MYB: variants seen among roughly 807,000 people sequenced by gnomAD.
The protein encoded by MYB is transcriptional activator Myb.
A neutral mutation model predicts 92.9 loss-of-function variants in MYB; 28 were observed. That is an observed-to-expected ratio of 0.30 (90% CI 0.22 to 0.41). The LOEUF is 0.41. MYB is among the 10% of genes least tolerant of loss of function. The pLI, the probability that MYB is intolerant of heterozygous loss-of-function variation, is 1.00. For missense variants in MYB, 679 were observed against 929.3 expected (o/e 0.73, Z 3.50); for synonymous variants, 295 against 329.1 (o/e 0.90, Z 1.12).
intron 15 of MYB, among the ~76,000 whole-genome samples, chr6:135,217,092 C>G (rs1176488184): frequency 6.6e-6 from 1 of 152,174 alleles, no homozygotes; most frequent in East Asian, 1.9e-4. Context: ...AAAAATTAAA[C>G]TATACTGGCT....
chr6:135,195,115 TAAA>T, intron 8 of MYB: 4 of 1,248,074 alleles, frequency 3.2e-6, no homozygotes, highest in Non-Finnish European at 4.1e-6. Flanking sequence ...TATTTTTTGT[TAAA>T]TAATAAGATG....
rs781340500 is a variant in MYB, at chr6:135,193,880, A to G, written c.805A>G (p.Ile269Val). Residue 269 changes from isoleucine to valine, a missense_variant, in exon 7 of 16, where the codon ATA (isoleucine) becomes GTA (valine). Around this residue, in one of 8 missense-constraint regions of MYB, gnomAD observed 43 missense variants for 87.9 expected, o/e 0.49. Coordinates refer to ENST00000341911, the MANE Select transcript of MYB (RefSeq NM_001130173.2). ...VPYPVALHVN[I>V]VNVPQPAAAA... is the part of the protein sequence containing the mutation. ...ATACCCTGTAGCGTTACATGTAAAT[A>G]TAGTCAATGTCCCTCAGCCAGCTGC... 11 of 1,613,346 alleles carry G rather than the reference A, an allele frequency of 6.8e-6. No homozygotes were observed. Among genetic ancestry groups the G allele is most frequent in the Non-Finnish European group, 9.3e-6 (11 of 1,179,366 alleles).
intron 10 of MYB, among the ~76,000 whole-genome samples, chr6:135,198,344 A>G (rs548524020): frequency 2.0e-5 from 3 of 152,292 alleles, no homozygotes; most frequent in East Asian, 3.9e-4. Context: ...TGCCTTGTGA[A>G]TTTCCAGGAG....
At chr6:135,198,362 T>C (rs6920829) in intron 10 of MYB, among the ~76,000 whole-genome samples, 21,593 of 152,246 alleles carry the variant, frequency 0.14, 1,700 homozygotes, top group African/African-American at 0.2. Context: ...GAGGAGATTA[T>C]GATATGTTGT....
chr6:135,192,045 G>A (rs543748304), intron 5 of MYB, among the ~76,000 whole-genome samples: 7 of 152,214 alleles, frequency 4.6e-5, no homozygotes, highest in South Asian at 2.1e-4. Context: ...AAGCGTTATC[G>A]TATTGAAAAT....
In MYB at chr6:135,181,581, G is replaced by A. The variant is rs1055382885; in HGVS notation, c.23+45G>A. On this transcript the variant is annotated intron_variant, in intron 1 of 15. Transcript: ENST00000341911. This position sits in a 1 kb window ranked among gnomAD's most constrained non-coding sequence, Gnocchi z 5.3. ...GCGGCCGAGGGCGGGGGCGCGCGGGGGCGCGCGGGGCGCCAGGCTCCCGGG... is the reference window on the plus strand; with the variant it reads ...GCGGCCGAGGGCGGGGGCGCGCGGGAGCGCGCGGGGCGCCAGGCTCCCGGG... 66 of 1,121,480 alleles carry A rather than the reference G, an allele frequency of 5.9e-5. No homozygotes were observed. Among genetic ancestry groups the A allele is most frequent in the Middle Eastern group, 2.9e-4 (1 of 3,416 alleles). The allele number at this position is 1,121,480 out of a possible 1,614,324, so 69.5% of individuals were successfully genotyped here.
At chr6:135,200,525 G>A (rs779757157) in intron 13 of MYB, 110 bp downstream of exon 13, 37 of 1,502,796 alleles carry the variant, frequency 2.5e-5, no homozygotes, top group East Asian at 6.8e-5. Flanking sequence ...ACGACTTTTC[G>A]TGCAAGATTT....
Position 135,197,060 on chromosome 6 carries a change from C to A in MYB, c.1303C>A (p.Gln435Lys), listed in dbSNP as rs1284308056. 2.5e-6 allele frequency: 4 copies of A among 1,613,922 alleles called. No homozygotes were observed. In the Admixed American group the frequency reaches 5.0e-5, roughly 20 times the overall value. ...CACAGGCAAAGCCCTACAGCTTCAG[C>A]AAAGAGAGGGCAATGGGACTAAACC... Reference protein sequence around the residue: ...HHTGKALQLQQREGNGTKPAG... With the variant: ...HHTGKALQLQKREGNGTKPAG... Residue 435 changes from glutamine (Q) to lysine (K), a missense_variant, in exon 10 of 16, where the codon CAA (glutamine) becomes AAA (lysine). Gln to Lys is a moderately conservative substitution (Grantham distance 53). Around this residue, in one of 8 missense-constraint regions of MYB, gnomAD observed 402 missense variants for 434.2 expected, o/e 0.93. Transcript: ENST00000341911.
In MYB at chr6:135,190,293, C is replaced by A. The variant is rs1316378738; in HGVS notation, c.473C>A (p.Ala158Glu). Reference protein sequence around the residue: ...TEEEDRIIYQAHKRLGNRWAE... With the variant: ...TEEEDRIIYQEHKRLGNRWAE... ...GAGGAAGACAGAATTATTTACCAGG[C>A]ACACAAGAGACTGGGGAACAGATGG... Residue 158 changes from alanine (A) to glutamate (E), a missense_variant, in exon 5 of 16, where the codon GCA becomes GAA. Physicochemically the swap from Ala to Glu is moderately radical, Grantham distance 107. Around this residue, in one of 8 missense-constraint regions of MYB, gnomAD observed 37 missense variants for 98.0 expected, o/e 0.38. Coordinates refer to ENST00000341911, the MANE Select transcript of MYB (RefSeq NM_001130173.2). This position sits in a 1 kb window ranked among gnomAD's most constrained non-coding sequence, Gnocchi z 4.5. 1.8e-5 allele frequency: 29 copies of A among 1,614,036 alleles called. No individual in the cohort carries two copies. The highest frequency in any genetic ancestry group is 2.3e-5 in the Non-Finnish European group (27 of 1,180,028).
intron 15 of MYB, among the ~76,000 whole-genome samples, chr6:135,216,320 AT>A (rs948656800): frequency 2.0e-5 from 3 of 151,988 alleles, no homozygotes; most frequent in East Asian, 1.9e-4. Flanking sequence ...TTACCATATA[AT>A]TTTTTTTATT....
At chr6:135,202,506 T>C in intron 14 of MYB, 1 of 155,586 alleles carries the variant, frequency 6.4e-6, no homozygotes. Flanking sequence ...GAAGCTGGGA[T>C]TACAGGCACC....
chr6:135,198,930 A>G lies in MYB; in HGVS notation c.1589A>G (p.His530Arg), dbSNP rs779846789. ...PSQFLNTSSN[H>R]ENSDLEMPSL... ...TAGTTCTTAAACACTTCCAGTAACC[A>G]TGAAAACTCAGACTTGGAAATGCCT... The change falls in exon 11 of 16, where the codon CAT becomes CGT. Residue 530 changes from histidine to arginine, a missense_variant. Transcript: ENST00000341911. 2.5e-6 allele frequency: 4 copies of G among 1,610,266 alleles called. No individual in the cohort carries two copies. The highest frequency in any genetic ancestry group is 1.1e-5 in the South Asian group (1 of 90,944).
chr6:135,188,444 T>A (rs1176409086), intron 3 of MYB, among the ~76,000 whole-genome samples: 2 of 152,052 alleles, frequency 1.3e-5, no homozygotes, highest in Non-Finnish European at 2.9e-5. Context: ...TGGACTATCA[T>A]ATAACTTCCT....
intron 15 of MYB, chr6:135,203,724 A>T: frequency 7.2e-7 from 1 of 1,383,634 alleles, no homozygotes; most frequent in Non-Finnish European, 9.5e-7. Context: ...AGGCAACCAA[A>T]GCTCAGAGAC....
At chr6:135,213,395 C>T (rs568202360) in intron 15 of MYB, among the ~76,000 whole-genome samples, 1 of 152,278 alleles carries the variant, frequency 6.6e-6, no homozygotes, top group South Asian at 2.1e-4. Flanking sequence ...ATATTGATCT[C>T]ATTTTTAAAT....
At chr6:135,186,044 G>T in intron 2 of MYB, 24 bp downstream of exon 2, 2 of 1,583,294 alleles carry the variant, frequency 1.3e-6, no homozygotes, top group Non-Finnish European at 8.7e-7. Flanking sequence ...TTATCAAGAC[G>T]CAGAAAATAG....
Position 135,200,094 on chromosome 6 carries a change from C to A in MYB, c.1719C>A (p.Thr573=). 6.2e-7 allele frequency: 1 copy of A among 1,613,440 alleles called. No homozygotes were observed. Among genetic ancestry groups the A allele is most frequent in the East Asian group, 2.2e-5 (1 of 44,866 alleles). Residue 573 remains threonine, a synonymous_variant, in exon 12 of 16, where the codon ACC becomes ACA. Transcript: ENST00000341911. The part of the protein sequence containing the change: ...KTQKENTVFR[T]PAIKRSILES... ...TGTTTTCTTTTTAAAGTTTTAGAACCCCAGCTATCAAAAGGTCAATCTTAG... is the reference window on the plus strand; with the variant it reads ...TGTTTTCTTTTTAAAGTTTTAGAACACCAGCTATCAAAAGGTCAATCTTAG...
chr6:135,185,710 C>T (rs1392121468), intron 1 of MYB, among the ~76,000 whole-genome samples, 193 bp from the exon 2 acceptor site: 1 of 152,178 alleles, frequency 6.6e-6, no homozygotes, highest in Non-Finnish European at 1.5e-5. Flanking sequence ...TCTGTGGATA[C>T]CCATAACAGC....
intron 8 of MYB, 145 bp from the exon 9 acceptor site, chr6:135,195,603 T>A: frequency 1.2e-6 from 1 of 845,218 alleles, no homozygotes; most frequent in South Asian, 1.7e-5. Context: ...TCTTGACAAC[T>A]GTTTCATAGG....
Sources: gnomAD v4.1 joint callset for allele counts (sites outside exome capture counted in the v4.1 genomes callset) on GRCh38, gnomAD v4.1.1 for gene constraint, gnomAD v4.1.1 regional missense constraint, Gnocchi (gnomAD v3.1) non-coding constraint, MANE v1.5 for transcripts, NCBI Gene and HGNC (gene_info 2026-07-23, HGNC 2026-07-21) for gene names.